RCBTB2: variants seen among roughly 807,000 people sequenced by gnomAD.
RCBTB2 encodes RCC1 and BTB domain-containing protein 2.
Under a neutral mutation model 65.4 loss-of-function variants are expected in RCBTB2, and 55 were observed. The observed-to-expected ratio is 0.84, with a 90% CI of 0.68 to 1.05. RCBTB2 has a LOEUF of 1.05. RCBTB2 is among the 50% of genes least tolerant of loss of function. The probability of loss-of-function intolerance (pLI) is 0.00; values close to 1 mark genes in which losing one functional copy is unlikely to be tolerated. For missense variants in RCBTB2, 599 were observed against 680.1 expected, an observed-to-expected ratio of 0.88 and a Z score of 1.33; for synonymous variants, 220 against 255.2, an observed-to-expected ratio of 0.86 and a Z score of 1.31.
chr13:48,511,113 AT>A (rs1457882800), intron 9 of RCBTB2, among the ~76,000 whole-genome samples: 3 of 152,210 alleles, frequency 2.0e-5, no homozygotes, highest in Non-Finnish European at 4.4e-5. Context: ...AATTTGAAAA[AT>A]ATAGAAAAAT....
intron 14 of RCBTB2, among the ~76,000 whole-genome samples, chr13:48,492,022 T>C (rs1473862598): frequency 6.6e-6 from 1 of 152,206 alleles, no homozygotes; most frequent in Non-Finnish European, 1.5e-5. Flanking sequence ...AATGGGGCCC[T>C]CTGTTCTGTC....
intron 4 of RCBTB2, among the ~76,000 whole-genome samples, 199 bp downstream of exon 4, chr13:48,521,699 A>AT (rs752185444): frequency 3.3e-5 from 5 of 152,210 alleles, no homozygotes; most frequent in Non-Finnish European, 7.3e-5. Context: ...AACCTGAGGT[A>AT]TATCAGTTTC....
chr13:48,500,851 G>C (rs1950202671), intron 12 of RCBTB2, among the ~76,000 whole-genome samples: 2 of 152,170 alleles, frequency 1.3e-5, no homozygotes. Flanking sequence ...TTTCATGCAG[G>C]TTGATGTGAT....
chr13:48,530,057 AT>A (rs965583876), intron 1 of RCBTB2, among the ~76,000 whole-genome samples: 81 of 146,656 alleles, frequency 5.5e-4, no homozygotes, highest in Admixed American at 8.8e-4. Context: ...TGCCTGGCTC[AT>A]TTTTTTTTTG....
intron 1 of RCBTB2, among the ~76,000 whole-genome samples, chr13:48,528,983 T>A (rs980436734): frequency 2.0e-5 from 3 of 152,216 alleles, no homozygotes; most frequent in East Asian, 1.9e-4. Context: ...TTTGTTTTTT[T>A]AAAAAGTTTT....
intron 10 of RCBTB2, among the ~76,000 whole-genome samples, chr13:48,503,184 C>T (rs1299286127): frequency 6.6e-6 from 1 of 152,120 alleles, no homozygotes; most frequent in Non-Finnish European, 1.5e-5. Context: ...AGCCAGTAGG[C>T]CTATAAAAAT....
At chr13:48,494,977 G>A (rs1289282206) in intron 14 of RCBTB2, among the ~76,000 whole-genome samples, 1 of 151,952 alleles carries the variant, frequency 6.6e-6, no homozygotes, top group African/African-American at 2.4e-5. Context: ...AATGTTCTCT[G>A]GTTGATGAGT....
chr13:48,512,881 TAA>T lies in RCBTB2; in HGVS notation c.362_363del (p.Phe121TyrfsTer5). ...TGGCTATAAGCATTATGACCCCAGG[TAA>T]AGACTTCTCCTTCTGAAAATAAAAA... Reference protein sequence around the residue: ...IVLATTEGEVFTWGHNAYSQL... With the variant: ...IVLATTEGEVXTWGHNAYSQL... On this transcript the variant is annotated frameshift_variant, in exon 7 of 15. Transcript: ENST00000344532. LOFTEE classifies it high-confidence loss of function. 6.2e-7 allele frequency: 1 copy of T among 1,608,814 alleles called. No individual in the cohort carries two copies. The highest frequency in any genetic ancestry group is 8.5e-7 in the Non-Finnish European group (1 of 1,177,278).
At chr13:48,520,581 T>C (rs1490226469) in intron 4 of RCBTB2, among the ~76,000 whole-genome samples, 1 of 152,216 alleles carries the variant, frequency 6.6e-6, no homozygotes, top group Non-Finnish European at 1.5e-5. Flanking sequence ...TTGAGAAATG[T>C]CAAGTAGTGA....
At chr13:48,494,864 CTT>C (rs533842677) in intron 14 of RCBTB2, among the ~76,000 whole-genome samples, 1 of 149,922 alleles carries the variant, frequency 6.7e-6, no homozygotes, top group African/African-American at 2.5e-5. Flanking sequence ...TGAGGTAGTA[CTT>C]TTTTTTTAAT....
intron 7 of RCBTB2, 23 bp downstream of exon 7, chr13:48,512,706 A>T: frequency 6.3e-7 from 1 of 1,597,994 alleles, no homozygotes; most frequent in Non-Finnish European, 8.6e-7. Context: ...AAAATCAATG[A>T]GCTTTATGCT....
intron 4 of RCBTB2, among the ~76,000 whole-genome samples, chr13:48,521,569 T>C (rs1951426205): frequency 6.6e-6 from 1 of 152,220 alleles, no homozygotes; most frequent in African/African-American, 2.4e-5. Context: ...TAAAAATCTC[T>C]GGGAATGGGA....
chr13:48,530,864 T>C (rs1211652308), intron 1 of RCBTB2, among the ~76,000 whole-genome samples: 1 of 152,196 alleles, frequency 6.6e-6, no homozygotes, highest in Non-Finnish European at 1.5e-5. Flanking sequence ...AATGGTGACG[T>C]TTATCACAAG....
chr13:48,500,018 T>C (rs1950162022), intron 12 of RCBTB2, among the ~76,000 whole-genome samples: 1 of 152,246 alleles, frequency 6.6e-6, no homozygotes, highest in African/African-American at 2.4e-5. Flanking sequence ...GGCATCTCTC[T>C]CACACCACAA....
rs142443945 is a variant in RCBTB2, at chr13:48,499,111, A to AACACACACACAC, written c.1384+498_1384+509dup. Among the ~76,000 whole-genome samples the AACACACACACAC allele has an allele frequency of 9.7e-3, 1,029 of 105,782 alleles. 27 individuals are homozygous for AACACACACACAC. The highest frequency in any genetic ancestry group is 0.04 in the African/African-American group (921 of 23,058). The allele number at this position is 105,782 out of a possible 152,430, so 69.4% of individuals were successfully genotyped here. A position where few individuals can be genotyped will look rare whatever the true frequency, so the allele number is the denominator to read the frequency against. ...TTGCCTCTCTCCCGACCCCCACCCCAACACACACACACACACACACACACA... is the reference window on the plus strand; with the variant it reads ...TTGCCTCTCTCCCGACCCCCACCCCAACACACACACACACACACACACACACACACACACACA... On this transcript the variant is annotated intron_variant, in intron 13 of 14. Coordinates refer to ENST00000344532, the MANE Select transcript of RCBTB2 (RefSeq NM_001268.4).
chr13:48,507,436 G>C (rs1039889374), intron 10 of RCBTB2, among the ~76,000 whole-genome samples: 7 of 152,108 alleles, frequency 4.6e-5, no homozygotes, highest in African/African-American at 1.7e-4. Context: ...CAGGATGTCT[G>C]GCGTATTTCA....
At chr13:48,497,251 A>C (rs909451253) in intron 13 of RCBTB2, among the ~76,000 whole-genome samples, 2 of 152,278 alleles carry the variant, frequency 1.3e-5, no homozygotes, top group Middle Eastern at 3.4e-3. Context: ...TGAGTGCCCC[A>C]GGGTTAAATC....
Position 48,510,663 on chromosome 13 carries a change from A to G in RCBTB2, c.892T>C (p.Ser298Pro), listed in dbSNP as rs1456561681. 3.7e-6 allele frequency: 6 copies of G among 1,614,218 alleles called. No homozygotes were observed. Among genetic ancestry groups the G allele is most frequent in the Non-Finnish European group, 3.4e-6 (4 of 1,180,050 alleles). Residue 298 changes from serine (S) to proline (P), a missense_variant, in exon 10 of 15, where the codon TCC (serine) becomes CCC (proline). Physicochemically the swap from Ser to Pro is moderately conservative, Grantham distance 74 (BLOSUM62 -1). Transcript: ENST00000344532. ...TCCACAGTGACAGGAGTAGGATAGG[A>G]CTGGTTGCTTTTATTGCCAGTGCCC... ...QLGTGNKSNQSYPTPVTVEKD... is the reference protein window; with the variant it reads ...QLGTGNKSNQPYPTPVTVEKD...
At chr13:48,513,006 C>T in intron 6 of RCBTB2, 111 bp from the exon 7 acceptor site, 1 of 823,732 alleles carries the variant, frequency 1.2e-6, no homozygotes, top group Admixed American at 2.8e-5. Context: ...GTGCAAAAAG[C>T]TAATCAACTT....
Sources: gnomAD v4.1 joint callset for allele counts (sites outside exome capture counted in the v4.1 genomes callset) on GRCh38, gnomAD v4.1.1 for gene constraint, MANE v1.5 for transcripts, NCBI Gene and HGNC (gene_info 2026-07-23, HGNC 2026-07-21) for gene names.